NCOA3: variants seen among roughly 807,000 people sequenced by gnomAD.
NCOA3 encodes the protein CBP-interacting protein.
A neutral mutation model predicts 158.8 loss-of-function variants in NCOA3; 51 were observed. That is an observed-to-expected ratio of 0.32 (90% CI 0.26 to 0.41). The LOEUF (loss-of-function observed/expected upper bound fraction) is 0.41, where lower values mean the gene tolerates loss of function less well. Ranked by LOEUF, NCOA3 falls within the 10% of genes least tolerant of loss-of-function variation. The probability of loss-of-function intolerance (pLI) is 1.00; values close to 1 mark genes in which losing one functional copy is unlikely to be tolerated. For missense variants in NCOA3, 1,510 were observed against 1,746.6 expected (o/e 0.86, Z 2.41); for synonymous variants, 537 against 592.4 (o/e 0.91, Z 1.36).
At chr20:47,571,722 C>CT (rs567317216) in intron 1 of NCOA3, among the ~76,000 whole-genome samples, 52 of 150,868 alleles carry the variant, frequency 3.4e-4, no homozygotes, top group Middle Eastern at 3.4e-3. Flanking sequence ...TTCTTTTTTT[C>CT]TTTTTTTTTG....
chr20:47,563,977 T>C (rs2085152223), intron 1 of NCOA3, among the ~76,000 whole-genome samples: 1 of 150,238 alleles, frequency 6.7e-6, no homozygotes, highest in South Asian at 2.1e-4. Context: ...CTGAGCAGCA[T>C]GAGGAAATCT....
intron 1 of NCOA3, among the ~76,000 whole-genome samples, chr20:47,512,288 A>G (rs1232146081): frequency 6.6e-6 from 1 of 152,150 alleles, no homozygotes; most frequent in Admixed American, 6.6e-5. Flanking sequence ...TAGGCAAAAG[A>G]GACTGGACCC....
At chr20:47,611,445 A>G (rs1266828001) in intron 2 of NCOA3, among the ~76,000 whole-genome samples, 1 of 152,224 alleles carries the variant, frequency 6.6e-6, no homozygotes, top group African/African-American at 2.4e-5. Context: ...ATGTCTGTCA[A>G]AGGAAAATTA....
intron 2 of NCOA3, among the ~76,000 whole-genome samples, chr20:47,614,160 C>T (rs1165468365): frequency 6.6e-6 from 1 of 151,926 alleles, no homozygotes; most frequent in Admixed American, 6.6e-5. Context: ...TCTTGGAGCT[C>T]CTCTTATTTT....
At chr20:47,520,394 C>T (rs971426146) in intron 1 of NCOA3, among the ~76,000 whole-genome samples, 2 of 152,192 alleles carry the variant, frequency 1.3e-5, no homozygotes, top group African/African-American at 4.8e-5. Context: ...CCGCTGTTCT[C>T]CCCTCTCCTT....
chr20:47,651,920 C>T (rs1443795005), intron 20 of NCOA3, among the ~76,000 whole-genome samples: 1 of 151,984 alleles, frequency 6.6e-6, no homozygotes, highest in East Asian at 1.9e-4. Flanking sequence ...CCTGCATCGG[C>T]CTCCCAAAGT....
intron 2 of NCOA3, among the ~76,000 whole-genome samples, chr20:47,594,740 C>T (rs1297023142): frequency 3.5e-5 from 5 of 144,540 alleles, no homozygotes; most frequent in South Asian, 2.2e-4. Context: ...CGGTGGCTCA[C>T]GCCTGTAATC....
At position 47,651,115 on chromosome 20, in the gene NCOA3, AGC is replaced by A. The variant is rs2146348388; in HGVS notation, c.3786_3787del (p.Gln1263AlafsTer22). The A allele has an allele frequency of 6.8e-7, 1 of 1,461,204 alleles. No individual in the cohort carries two copies. The highest frequency in any genetic ancestry group is 9.3e-7 in the Non-Finnish European group (1 of 1,069,576). The allele number at this position is 1,461,204 out of a possible 1,614,324, so 90.5% of individuals were successfully genotyped here. A position where few individuals can be genotyped will look rare whatever the true frequency, so the allele number is the denominator to read the frequency against. On this transcript the variant is annotated frameshift_variant, in exon 20 of 23. Coordinates refer to ENST00000371998, the MANE Select transcript of NCOA3 (RefSeq NM_181659.3). LOFTEE classifies it high-confidence loss of function. ...CAACAGCAGCAGCAGCAGCAGCAGC[AGC>A]AGCAACAGCAACAGCAACAGCAACA...
intron 1 of NCOA3, among the ~76,000 whole-genome samples, chr20:47,504,594 G>C (rs1569307699): frequency 6.6e-6 from 1 of 151,300 alleles, no homozygotes; most frequent in Admixed American, 6.6e-5. Flanking sequence ...CACGAGGTCA[G>C]GAGTTTGAGA....
chr20:47,547,540 G>A (rs900888934), intron 1 of NCOA3, among the ~76,000 whole-genome samples: 1 of 151,888 alleles, frequency 6.6e-6, no homozygotes, highest in Non-Finnish European at 1.5e-5. Flanking sequence ...AGCCTCCTGA[G>A]TAGCTGGGAC....
At chr20:47,518,633 C>T (rs1386866487) in intron 1 of NCOA3, among the ~76,000 whole-genome samples, 1 of 151,714 alleles carries the variant, frequency 6.6e-6, no homozygotes, top group African/African-American at 2.4e-5. Context: ...CCATGTTGGT[C>T]AGGCTCGTCT....
Position 47,654,602 on chromosome 20 carries a change from A to G in NCOA3, c.*1185A>G, listed in dbSNP as rs72646210. 6.4e-3 allele frequency: 980 copies of G among 152,630 alleles called. 7 individuals are homozygous for G. The highest frequency in any genetic ancestry group is 0.017 in the Admixed American group (255 of 15,288). The allele number at this position is 152,630 out of a possible 1,614,324, so 9.5% of individuals were successfully genotyped here. A position where few individuals can be genotyped will look rare whatever the true frequency, so the allele number is the denominator to read the frequency against. Reference sequence around the variant, plus strand: ...CACAGCTTTTCCTTCCCCACCCCCCAGCCTTAGATGCCTCGCTCTTTTCAA... The same window carrying G: ...CACAGCTTTTCCTTCCCCACCCCCCGGCCTTAGATGCCTCGCTCTTTTCAA... On this transcript the variant is annotated 3_prime_UTR_variant, in exon 23 of 23. Coordinates refer to ENST00000371998, the MANE Select transcript of NCOA3 (RefSeq NM_181659.3).
intron 1 of NCOA3, among the ~76,000 whole-genome samples, chr20:47,556,785 TAC>T (rs1472113565): frequency 2.6e-5 from 4 of 152,208 alleles, no homozygotes; most frequent in Non-Finnish European, 5.9e-5. Flanking sequence ...AGGAAAGCAT[TAC>T]AGTCTCAAAA....
intron 1 of NCOA3, among the ~76,000 whole-genome samples, chr20:47,570,921 A>T (rs2085280099): frequency 7.1e-6 from 1 of 141,562 alleles, no homozygotes; most frequent in Non-Finnish European, 1.5e-5. Context: ...GTGCACCGTT[A>T]ATGAGCAGTA....
At position 47,651,076 on chromosome 20, in the gene NCOA3, AGCAGCAG is replaced by A. The variant is rs2086781885; in HGVS notation, c.3747_3753del (p.Gln1249HisfsTer36). The A allele has an allele frequency of 2.4e-6, 3 of 1,254,834 alleles. No homozygotes were observed. Among genetic ancestry groups the A allele is most frequent in the African/African-American group, 1.5e-5 (1 of 68,476 alleles). 77.7% of individuals were successfully genotyped at this position (1,254,834 alleles called of 1,614,324 possible). A position where few individuals can be genotyped will look rare whatever the true frequency, so the allele number is the denominator to read the frequency against. On this transcript the variant is annotated frameshift_variant, in exon 20 of 23. Transcript: ENST00000371998. LOFTEE classifies it high-confidence loss of function. ...CAGAGGGTGGCTATGATGATGCAGC[AGCAGCAG>A]CAGCAGCAACAGCAGCAGCAGCAGC...
At chr20:47,568,412 G>A (rs1259753639) in intron 1 of NCOA3, among the ~76,000 whole-genome samples, 1 of 151,938 alleles carries the variant, frequency 6.6e-6, no homozygotes, top group Non-Finnish European at 1.5e-5. Context: ...CTAATTTTTT[G>A]GTTTCCCAGT....
chr20:47,587,295 C>T (rs925253876), intron 2 of NCOA3, among the ~76,000 whole-genome samples: 2 of 152,122 alleles, frequency 1.3e-5, no homozygotes, highest in South Asian at 2.1e-4. Flanking sequence ...GTAAGTGGGC[C>T]GCTGTGTCCT....
chr20:47,549,169 G>A (rs2146149382), intron 1 of NCOA3, among the ~76,000 whole-genome samples: 1 of 152,022 alleles, frequency 6.6e-6, no homozygotes, highest in Middle Eastern at 3.4e-3. Flanking sequence ...GAGCCATCAT[G>A]GACTTAACTA....
At chr20:47,623,016 T>A (rs2086266408) in intron 3 of NCOA3, 1 of 152,248 alleles carries the variant, frequency 6.6e-6, no homozygotes, top group African/African-American at 2.4e-5. Context: ...GCCTGACAGT[T>A]ATAAGTAAGA....
Sources: allele counts gnomAD v4.1 joint callset (sites outside exome capture counted in the v4.1 genomes callset), GRCh38; gene constraint gnomAD v4.1.1; transcripts MANE v1.5; gene names NCBI Gene and HGNC (gene_info 2026-07-23, HGNC 2026-07-21).